Variants in BRSK2 observed in about 807,000 individuals in gnomAD.
The protein encoded by BRSK2 is serine/threonine-protein kinase BRSK2.
In BRSK2, 19 loss-of-function variants were observed where a neutral mutation model predicts 83.3. The ratio of observed to expected loss-of-function variants is 0.23; its 90% CI spans 0.16 to 0.33. The LOEUF (loss-of-function observed/expected upper bound fraction) is 0.33, where lower values mean the gene tolerates loss of function less well. Ranked by LOEUF, BRSK2 falls within the 10% of genes least tolerant of loss-of-function variation. BRSK2 has a pLI of 1.00. For missense variants in BRSK2, 798 were observed against 1,042.3 expected (o/e 0.77, Z 3.23); for synonymous variants, 519 against 435.4 (o/e 1.19, Z -2.39).
intron 19 of BRSK2, among the ~76,000 whole-genome samples, chr11:1,460,141 A>AG (rs1847236774): frequency 6.7e-6 from 1 of 150,350 alleles, no homozygotes; most frequent in Non-Finnish European, 1.5e-5. Flanking sequence ...GTGGGGAGGG[A>AG]GGGGTCTCAC....
intron 3 of BRSK2, among the ~76,000 whole-genome samples, chr11:1,440,086 C>T (rs1377794461): frequency 6.6e-6 from 1 of 152,174 alleles, no homozygotes; most frequent in Non-Finnish European, 1.5e-5. Flanking sequence ...CAGGGGCCAC[C>T]ACCCTCACAG....
Position 1,440,942 on chromosome 11 carries a change from C to T in BRSK2, c.413+14C>T. On this transcript the variant is annotated intron_variant, in intron 4 of 19. Coordinates refer to ENST00000528841, the MANE Select transcript of BRSK2 (RefSeq NM_001256627.2). ...CCACTCCATATGGTGAGGCCCCACC[C>T]CTGGTGCCCCCCACTCCCCAGGGAC... The T allele has an allele frequency of 6.2e-7, 1 of 1,601,988 alleles. No individual in the cohort carries two copies. The highest frequency in any genetic ancestry group is 8.5e-7 in the Non-Finnish European group (1 of 1,175,140).
At chr11:1,455,904 C>G (rs1192059590) in intron 16 of BRSK2, among the ~76,000 whole-genome samples, 1 of 150,876 alleles carries the variant, frequency 6.6e-6, no homozygotes, top group Non-Finnish European at 1.5e-5. Flanking sequence ...AGTGGGAGTC[C>G]CAGGAAGCCC....
chr11:1,396,895 C>A (rs912579041), intron 1 of BRSK2, among the ~76,000 whole-genome samples: 6 of 152,334 alleles, frequency 3.9e-5, no homozygotes, highest in South Asian at 4.1e-4. Context: ...TGGACCCTGG[C>A]CCCTCGGAAG....
intron 1 of BRSK2, among the ~76,000 whole-genome samples, chr11:1,394,077 CCATGGAGATGGGT>C (rs1180262620): frequency 9.6e-6 from 1 of 103,728 alleles, no homozygotes; most frequent in African/African-American, 5.2e-5. Flanking sequence ...TGGAGATGGG[CCATGGAGATGGGT>C]CCCTGGAGAT....
At chr11:1,402,740 G>T (rs1385113504) in intron 1 of BRSK2, among the ~76,000 whole-genome samples, 1 of 152,184 alleles carries the variant, frequency 6.6e-6, no homozygotes, top group Non-Finnish European at 1.5e-5. Flanking sequence ...CCTCACTCAG[G>T]GACACAGGGT....
chr11:1,447,853 AAAG>A (rs1297171277), intron 12 of BRSK2: 4 of 1,596,852 alleles, frequency 2.5e-6, no homozygotes, highest in South Asian at 1.1e-5. Context: ...CCAATTCAGC[AAAG>A]AAGACAGGTA....
chr11:1,401,784 C>G (rs1846496174), intron 1 of BRSK2, among the ~76,000 whole-genome samples: 1 of 152,230 alleles, frequency 6.6e-6, no homozygotes, highest in Non-Finnish European at 1.5e-5. Flanking sequence ...AGGGAGCTGT[C>G]CAGCACCAGC....
At chr11:1,446,378 C>T (rs1372331447) in intron 12 of BRSK2, among the ~76,000 whole-genome samples, 1 of 148,060 alleles carries the variant, frequency 6.8e-6, no homozygotes, top group East Asian at 2.0e-4. Context: ...CTGAGCTGGG[C>T]AGGGCTGGGC....
rs1480195217 is a variant in BRSK2, at chr11:1,438,975, C to T, written c.272+584C>T. Among the ~76,000 whole-genome samples the T allele has an allele frequency of 1.3e-5, 2 of 152,164 alleles. No homozygotes were observed. The highest frequency in any genetic ancestry group is 4.8e-5 in the African/African-American group (2 of 41,416). ...GCCTCAGGGAGCTCCTGGGAATGGG[C>T]ACAGTGGTCACTCACGGCAGTCTCC... On this transcript the variant is annotated intron_variant, in intron 3 of 19. Coordinates refer to ENST00000528841, the MANE Select transcript of BRSK2 (RefSeq NM_001256627.2). The surrounding 1 kb of genome is among the most constrained non-coding windows in gnomAD (Gnocchi z 6.4).
intron 1 of BRSK2, among the ~76,000 whole-genome samples, chr11:1,398,866 C>T (rs2134036610): frequency 1.3e-5 from 2 of 152,284 alleles, no homozygotes; most frequent in East Asian, 1.9e-4. Context: ...ATGTGTGGGG[C>T]CCCCTGGAGC....
intron 12 of BRSK2, chr11:1,447,916 C>G (rs1345794220): frequency 1.3e-6 from 2 of 1,521,662 alleles, no homozygotes; most frequent in East Asian, 2.4e-5. Flanking sequence ...ACACGCTGTC[C>G]TGCCTCAGGC....
chr11:1,403,033 C>A (rs1477202571), intron 1 of BRSK2, among the ~76,000 whole-genome samples: 1 of 152,120 alleles, frequency 6.6e-6, no homozygotes, highest in Non-Finnish European at 1.5e-5. Flanking sequence ...GGAGGACGGG[C>A]GGGACCCCCC....
At chr11:1,458,793 G>A (rs11028999) in intron 18 of BRSK2, among the ~76,000 whole-genome samples, 31,072 of 152,138 alleles carry the variant, frequency 0.2, 5,397 homozygotes, top group African/African-American at 0.46. Context: ...AAGGGCAGCC[G>A]GAAGCCACAG....
intron 12 of BRSK2, among the ~76,000 whole-genome samples, chr11:1,447,282 C>G (rs747326699): frequency 1.3e-5 from 2 of 152,206 alleles, no homozygotes; most frequent in East Asian, 3.8e-4. Context: ...CTCCTGCCTG[C>G]GTGGCCACCT....
chr11:1,410,691 C>G, intron 1 of BRSK2: 1 of 985,438 alleles, frequency 1.0e-6, no homozygotes, highest in Non-Finnish European at 1.2e-6. Context: ...TGACGCCCAC[C>G]CTCAGGAGCC....
intron 12 of BRSK2, among the ~76,000 whole-genome samples, chr11:1,446,763 G>T (rs1852190559): frequency 6.6e-6 from 1 of 152,218 alleles, no homozygotes. Context: ...CTCACCAGGT[G>T]GCAGCTTCCA....
chr11:1,451,570 T>C, intron 15 of BRSK2, 151 bp downstream of exon 15: 1 of 825,222 alleles, frequency 1.2e-6, no homozygotes, highest in South Asian at 1.5e-5. Context: ...CCACTGAGTC[T>C]CTGAAGTTCG....
intron 12 of BRSK2, among the ~76,000 whole-genome samples, chr11:1,449,168 C>G (rs1044044109): frequency 6.6e-6 from 1 of 152,256 alleles, no homozygotes; most frequent in Non-Finnish European, 1.5e-5. Context: ...GGGCCAGGGC[C>G]TCCCTCCTGC....
Sources: allele counts gnomAD v4.1 joint callset (sites outside exome capture counted in the v4.1 genomes callset), GRCh38; gene constraint gnomAD v4.1.1; non-coding constraint Gnocchi (gnomAD v3.1); transcripts MANE v1.5; gene names NCBI Gene and HGNC (gene_info 2026-07-23, HGNC 2026-07-21).